Variants in PDE3A observed in about 807,000 individuals in gnomAD.
PDE3A encodes the protein cGMP-inhibited 3',5'-cyclic phosphodiesterase 3A.
A neutral mutation model predicts 98.3 loss-of-function variants in PDE3A; 43 were observed. The observed-to-expected ratio is 0.44, with a 90% CI of 0.34 to 0.56. The LOEUF is 0.56. PDE3A is among the 20% of genes least tolerant of loss of function. The probability of loss-of-function intolerance (pLI) is 0.01; values close to 1 mark genes in which losing one functional copy is unlikely to be tolerated. For synonymous variants in PDE3A, 663 were observed against 567.9 expected, an observed-to-expected ratio of 1.17 and a Z score of -2.38; for missense variants, 1,427 against 1,440.7, an observed-to-expected ratio of 0.99 and a Z score of 0.15.
At chr12:20,374,213 T>C (rs1024831493) in intron 1 of PDE3A, among the ~76,000 whole-genome samples, 7 of 152,132 alleles carry the variant, frequency 4.6e-5, no homozygotes, top group Non-Finnish European at 7.4e-5. Context: ...ATTTTTTGTG[T>C]GTCGGGGGGA....
chr12:20,489,432 T>C (rs542904356), intron 1 of PDE3A, among the ~76,000 whole-genome samples: 1 of 152,180 alleles, frequency 6.6e-6, no homozygotes, highest in Non-Finnish European at 1.5e-5. Context: ...TATTACCATT[T>C]TGATTTAAAA....
Position 20,552,250 on chromosome 12 carries a change from G to C in PDE3A, c.961-4410G>C, listed in dbSNP as rs1267798149. The C allele has an allele frequency of 1.9e-6, 3 of 1,613,960 alleles. No individual in the cohort carries two copies. Among genetic ancestry groups the C allele is most frequent in the East Asian group, 4.5e-5 (2 of 44,854 alleles). ...GGTCAGGGTGGTGCGCAATGTCAAG[G>C]GTGGCAAGAATAGCAAGTACGCCCC... On this transcript the variant is annotated intron_variant, in intron 1 of 15. Coordinates refer to ENST00000359062, the MANE Select transcript of PDE3A (RefSeq NM_000921.5). The surrounding 1 kb of genome is among the most constrained non-coding windows in gnomAD (Gnocchi z 5.1).
chr12:20,580,749 G>A (rs1157796515), intron 2 of PDE3A, among the ~76,000 whole-genome samples: 1 of 152,120 alleles, frequency 6.6e-6, no homozygotes, highest in East Asian at 1.9e-4. Flanking sequence ...TAAGTCAGAG[G>A]AATAAATGTA....
chr12:20,426,933 T>G (rs1168355566), intron 1 of PDE3A, among the ~76,000 whole-genome samples: 2 of 152,206 alleles, frequency 1.3e-5, no homozygotes, highest in East Asian at 3.9e-4. Flanking sequence ...TGTTCTATGA[T>G]TGCATGGATG....
intron 1 of PDE3A, among the ~76,000 whole-genome samples, chr12:20,389,619 G>A (rs560038286): frequency 2.6e-5 from 4 of 151,936 alleles, no homozygotes; most frequent in Admixed American, 2.6e-4. Context: ...GAAAATGTGG[G>A]GATTGCTGGG....
chr12:20,556,567 A>G, intron 1 of PDE3A, 93 bp from the exon 2 acceptor site: 1 of 828,856 alleles, frequency 1.2e-6, no homozygotes. Flanking sequence ...ACTAATAAAG[A>G]TTGGAACAAC....
At chr12:20,619,056 A>C (rs1944074680) in intron 4 of PDE3A, among the ~76,000 whole-genome samples, 1 of 152,104 alleles carries the variant, frequency 6.6e-6, no homozygotes, top group South Asian at 2.1e-4. Context: ...TTTCATATTC[A>C]TGAAATTTAA....
In PDE3A at chr12:20,687,821, T is replaced by C. The variant is rs190866262; in HGVS notation, c.*7550T>C. Among the ~76,000 whole-genome samples, 388 of 150,496 alleles carry C rather than the reference T, an allele frequency of 2.6e-3. 1 individual carries two copies. The highest frequency in any genetic ancestry group is 5.0e-3 in the Admixed American group (75 of 14,990). On this transcript the variant is annotated 3_prime_UTR_variant, in exon 16 of 16. Transcript: ENST00000359062. ...GAATTTAGAGTGTTTTAGGTTTTGG[T>C]TGGTTTGAATAATTTGATTTGCATT...
At chr12:20,608,633 A>AT (rs1301738984) in intron 2 of PDE3A, among the ~76,000 whole-genome samples, 1 of 152,000 alleles carries the variant, frequency 6.6e-6, no homozygotes, top group Non-Finnish European at 1.5e-5. Context: ...AATGTTTACT[A>AT]TTTTTTCTAT....
chr12:20,559,479 A>C (rs555888786), intron 2 of PDE3A, among the ~76,000 whole-genome samples: 41 of 150,566 alleles, frequency 2.7e-4, no homozygotes, highest in African/African-American at 9.3e-4. Flanking sequence ...CTCCACTAAA[A>C]ATACAAATAA....
At chr12:20,625,157 AAC>A (rs1181908839) in intron 5 of PDE3A, among the ~76,000 whole-genome samples, 2 of 152,216 alleles carry the variant, frequency 1.3e-5, no homozygotes, top group South Asian at 2.1e-4. Flanking sequence ...AAATAGCTGA[AAC>A]ACAAATTATT....
chr12:20,523,546 C>A (rs1230902417), intron 1 of PDE3A, among the ~76,000 whole-genome samples: 1 of 152,106 alleles, frequency 6.6e-6, no homozygotes, highest in Non-Finnish European at 1.5e-5. Context: ...GTACTTAGAT[C>A]ATTTTGACAG....
chr12:20,561,057 T>G (rs1214852269), intron 2 of PDE3A, among the ~76,000 whole-genome samples: 1 of 152,048 alleles, frequency 6.6e-6, no homozygotes, highest in East Asian at 1.9e-4. Context: ...GGTCAGGAGT[T>G]TGAGACCAGC....
At chr12:20,431,165 G>A (rs73239565) in intron 1 of PDE3A, among the ~76,000 whole-genome samples, 9,147 of 151,964 alleles carry the variant, frequency 0.06, 377 homozygotes, top group Admixed American at 0.13. Flanking sequence ...CTATAATTAC[G>A]TCTGAAACAG....
Position 20,369,390 on chromosome 12 carries a change from G to A in PDE3A, c.106G>A (p.Ala36Thr), listed in dbSNP as rs994331169. The A allele has an allele frequency of 1.3e-6, 2 of 1,550,894 alleles. No individual in the cohort carries two copies. Among genetic ancestry groups the A allele is most frequent in the Admixed American group, 1.9e-5 (1 of 51,518 alleles). Residue 36 changes from alanine to threonine, a missense_variant, in exon 1 of 16, where the codon GCA (alanine) becomes ACA (threonine). By Grantham distance (58) the Ala-to-Thr change is moderately conservative (BLOSUM62 0). Coordinates refer to ENST00000359062, the MANE Select transcript of PDE3A (RefSeq NM_000921.5). ...GGACTGCCACCATCGTGCGGACCCCGCATCGCCGCGGGACTCGGGCTGCCG... is the reference window on the plus strand; with the variant it reads ...GGACTGCCACCATCGTGCGGACCCCACATCGCCGCGGGACTCGGGCTGCCG... ...GRDCHHRADP[A>T]SPRDSGCRGC...
chr12:20,426,102 ATACT>A (rs1944597436), intron 1 of PDE3A, among the ~76,000 whole-genome samples: 1 of 152,208 alleles, frequency 6.6e-6, no homozygotes, highest in African/African-American at 2.4e-5. Context: ...TGGAAGGAAA[ATACT>A]TAATGCTGTT....
intron 15 of PDE3A, among the ~76,000 whole-genome samples, chr12:20,666,131 A>T (rs888249262): frequency 2.6e-5 from 4 of 151,508 alleles, no homozygotes; most frequent in Non-Finnish European, 5.9e-5. Context: ...TGCCCGGCTA[A>T]TTTTTGTATT....
At chr12:20,562,504 C>A (rs999404392) in intron 2 of PDE3A, among the ~76,000 whole-genome samples, 11 of 138,370 alleles carry the variant, frequency 7.9e-5, no homozygotes, top group African/African-American at 3.0e-4. Flanking sequence ...AGGTGTGAGC[C>A]ACCGTGCCCA....
chr12:20,501,854 T>C (rs1946031443), intron 1 of PDE3A, among the ~76,000 whole-genome samples: 1 of 152,276 alleles, frequency 6.6e-6, no homozygotes, highest in East Asian at 1.9e-4. Flanking sequence ...CATTAAGCTG[T>C]CATTATTCCA....
Sources: allele counts gnomAD v4.1 joint callset (sites outside exome capture counted in the v4.1 genomes callset), GRCh38; gene constraint gnomAD v4.1.1; non-coding constraint Gnocchi (gnomAD v3.1); transcripts MANE v1.5; gene names NCBI Gene and HGNC (gene_info 2026-07-23, HGNC 2026-07-21).